Variants in HGSNAT observed in about 807,000 individuals in gnomAD.
HGSNAT encodes transmembrane protein 76.
A neutral mutation model predicts 85.2 loss-of-function variants in HGSNAT; 59 were observed. The observed-to-expected ratio is 0.69, with a 90% CI of 0.56 to 0.86. The LOEUF (loss-of-function observed/expected upper bound fraction) is 0.86, where lower values mean the gene tolerates loss of function less well. Ranked by LOEUF, HGSNAT falls within the 40% of genes least tolerant of loss-of-function variation. The probability of loss-of-function intolerance (pLI) is 0.00; values close to 1 mark genes in which losing one functional copy is unlikely to be tolerated. For missense variants in HGSNAT, 756 were observed against 777.1 expected, an observed-to-expected ratio of 0.97 and a Z score of 0.32; for synonymous variants, 321 against 304.5, an observed-to-expected ratio of 1.05 and a Z score of -0.56.
At chr8:43,186,587 C>A (rs963626866) in intron 11 of HGSNAT, among the ~76,000 whole-genome samples, 2 of 152,040 alleles carry the variant, frequency 1.3e-5, no homozygotes, top group African/African-American at 2.4e-5. Flanking sequence ...TTTAAAAAAA[C>A]CAGCTCCTGG....
Position 43,150,478 on chromosome 8 carries a change from A to G in HGSNAT, c.234+3415A>G, listed in dbSNP as rs529392259. The stretch of plus-strand genomic sequence containing the variant: ...CATCTCTTTCAAAACAAAACAAAAC[A>G]AAAACAAGACTATACAATGTGGAAA... On this transcript the variant is annotated intron_variant, in intron 2 of 17. Transcript: ENST00000379644. 1.5e-4 allele frequency among the ~76,000 whole-genome samples: 23 copies of G among 152,170 alleles called. 1 individual carries two copies. In the East Asian group the frequency reaches 4.3e-3, roughly 28 times the overall value.
intron 2 of HGSNAT, among the ~76,000 whole-genome samples, chr8:43,147,389 A>G (rs1029848763): frequency 6.6e-6 from 1 of 152,164 alleles, no homozygotes; most frequent in African/African-American, 2.4e-5. Flanking sequence ...ACACCAGGGT[A>G]TTCTCCAGGG....
intron 2 of HGSNAT, among the ~76,000 whole-genome samples, chr8:43,154,089 T>C (rs912059055): frequency 1.3e-5 from 2 of 152,228 alleles, no homozygotes; most frequent in African/African-American, 2.4e-5. Context: ...GATTGATCTT[T>C]ATTGTAGAAT....
intron 10 of HGSNAT, among the ~76,000 whole-genome samples, chr8:43,179,436 G>A (rs1193586497): frequency 1.8e-5 from 2 of 110,274 alleles, no homozygotes; most frequent in Non-Finnish European, 3.9e-5. Context: ...CCCAGTAGGG[G>A]CGGCCGGGCA....
At chr8:43,185,763 T>G (rs968783158) in intron 11 of HGSNAT, among the ~76,000 whole-genome samples, 1 of 152,212 alleles carries the variant, frequency 6.6e-6, no homozygotes, top group African/African-American at 2.4e-5. Flanking sequence ...AGTATGATAT[T>G]GGCTGTGGGT....
intron 12 of HGSNAT, among the ~76,000 whole-genome samples, chr8:43,191,843 C>T (rs983309137): frequency 2.6e-5 from 4 of 152,012 alleles, no homozygotes; most frequent in Non-Finnish European, 2.9e-5. Flanking sequence ...TGTCAGTGAG[C>T]GTGCATGAGC....
At position 43,196,811 on chromosome 8, in the gene HGSNAT, G is replaced by A. The variant is rs1417490260; in HGVS notation, c.1465-137G>A. ...GTCAAAGGCAGAGGTGATGTTTCCC[G>A]CCTCCCTGTAATCCCAGCACCTAGT... On this transcript the variant is annotated intron_variant, in intron 14 of 17. Transcript: ENST00000379644. 7.0e-5 allele frequency: 45 copies of A among 647,010 alleles called. No homozygotes were observed. The Middle Eastern group carries it at 7.4e-4, about 11-fold the overall frequency. The allele number at this position is 647,010 out of a possible 1,614,324, so 40.1% of individuals were successfully genotyped here. A position where few individuals can be genotyped will look rare whatever the true frequency, so the allele number is the denominator to read the frequency against.
rs982822731 is a variant in HGSNAT at position 43,200,001 on chromosome 8, G to A, written c.*432G>A. 16 of 153,868 alleles carry A rather than the reference G, an allele frequency of 1.0e-4. No homozygotes were observed. Among genetic ancestry groups the A allele is most frequent in the South Asian group, 1.0e-3 (5 of 4,832 alleles). The allele number at this position is 153,868 out of a possible 1,614,324, so 9.5% of individuals were successfully genotyped here. A position where few individuals can be genotyped will look rare whatever the true frequency, so the allele number is the denominator to read the frequency against. ...CACGAAATGCCATCACTCCTACTGC[G>A]GCTGCTATGAAGCTTACTGGTTGTG... On this transcript the variant is annotated 3_prime_UTR_variant, in exon 18 of 18. Coordinates refer to ENST00000379644, the MANE Select transcript of HGSNAT (RefSeq NM_152419.3).
chr8:43,157,744 C>A (rs964391070), intron 2 of HGSNAT, among the ~76,000 whole-genome samples: 4 of 152,070 alleles, frequency 2.6e-5, no homozygotes, highest in Non-Finnish European at 5.9e-5. Context: ...TGCCACTGCA[C>A]TCCAACCTGG....
intron 1 of HGSNAT, among the ~76,000 whole-genome samples, chr8:43,145,827 G>A (rs1045910444): frequency 6.6e-6 from 1 of 152,068 alleles, no homozygotes; most frequent in Non-Finnish European, 1.5e-5. Flanking sequence ...GAGTGACTAG[G>A]GAGCCCAGAG....
intron 5 of HGSNAT, among the ~76,000 whole-genome samples, chr8:43,167,487 A>G (rs1586721826): frequency 1.3e-5 from 2 of 152,368 alleles, no homozygotes; most frequent in East Asian, 3.9e-4. Context: ...AATAATCATT[A>G]ACTTTTTATT....
intron 8 of HGSNAT, 99 bp from the exon 9 acceptor site, chr8:43,173,614 G>A: frequency 7.5e-7 from 1 of 1,337,420 alleles, no homozygotes; most frequent in Non-Finnish European, 1.1e-6. Context: ...CCTCCCCTGG[G>A]TTTACTTTCT....
Position 43,151,551 on chromosome 8 carries a change from A to G in HGSNAT, c.234+4488A>G, listed in dbSNP as rs1371769005. 2.6e-5 allele frequency among the ~76,000 whole-genome samples: 4 copies of G among 152,250 alleles called. No individual in the cohort carries two copies. The East Asian group carries it at 7.7e-4, about 29-fold the overall frequency. ...CCTGTATATATTCGTTTCACAAAAC[A>G]CTCATCATATGTTAAGTCAAAAGAG... On this transcript the variant is annotated intron_variant, in intron 2 of 17. Transcript: ENST00000379644.
rs1804555809 is a variant in HGSNAT at position 43,192,172 on chromosome 8, C to T, written c.1251-132C>T. 11 of 959,456 alleles carry T rather than the reference C, an allele frequency of 1.1e-5. No homozygotes were observed. In the East Asian group the frequency reaches 3.1e-4, roughly 27 times the overall value. 59.4% of individuals were successfully genotyped at this position (959,456 alleles called of 1,614,324 possible). A position where few individuals can be genotyped will look rare whatever the true frequency, so the allele number is the denominator to read the frequency against. Reference sequence around the variant, plus strand: ...CAAATTCCTGACCTCAGGTGATCTGCCCGCCTTGGCCTCCCAAAGTGTTGG... The same window carrying T: ...CAAATTCCTGACCTCAGGTGATCTGTCCGCCTTGGCCTCCCAAAGTGTTGG... On this transcript the variant is annotated intron_variant, in intron 12 of 17. Coordinates refer to ENST00000379644, the MANE Select transcript of HGSNAT (RefSeq NM_152419.3).
intron 4 of HGSNAT, 51 bp downstream of exon 4, chr8:43,159,095 A>G: frequency 1.3e-6 from 2 of 1,581,654 alleles, no homozygotes; most frequent in Non-Finnish European, 1.7e-6. Flanking sequence ...CAGAGGTTTC[A>G]GTTTTTGAGT....
chr8:43,159,036 G>A lies in HGSNAT; in HGVS notation c.485G>A (p.Ser162Asn). The A allele has an allele frequency of 6.2e-7, 1 of 1,613,648 alleles. No individual in the cohort carries two copies. The highest frequency in any genetic ancestry group is 8.5e-7 in the Non-Finnish European group (1 of 1,179,766). Residue 162 changes from serine to asparagine, a missense_variant, in exon 4 of 18, where the codon AGT becomes AAT. Ser to Asn is a conservative substitution (Grantham distance 46). Transcript: ENST00000379644. The stretch of plus-strand genomic sequence containing the variant: ...GCTGTGAACGAGGATCCAGTTGATA[G>A]TAACCTTCGTACGTATATGTTCTCT... Reference protein sequence around the residue: ...DLAVNEDPVDSNLPVSIAFLI... With the variant: ...DLAVNEDPVDNNLPVSIAFLI...
At chr8:43,188,588 C>T (rs1410551313) in intron 11 of HGSNAT, among the ~76,000 whole-genome samples, 2 of 152,178 alleles carry the variant, frequency 1.3e-5, no homozygotes, top group African/African-American at 4.8e-5. Context: ...TGGGTTCAAA[C>T]ATCCTCCTTT....
chr8:43,159,615 A>G (rs1019920039), intron 4 of HGSNAT, among the ~76,000 whole-genome samples: 2 of 152,226 alleles, frequency 1.3e-5, no homozygotes, highest in African/African-American at 2.4e-5. Context: ...ATATCAATAC[A>G]TTCTCATAGT....
In HGSNAT at chr8:43,199,949, TC is replaced by T. The variant is rs1804864622; in HGVS notation, c.*382del. 1 of 161,036 alleles carries T rather than the reference TC, an allele frequency of 6.2e-6. No individual in the cohort carries two copies. The highest frequency in any genetic ancestry group is 2.4e-5 in the African/African-American group (1 of 41,794). The allele number at this position is 161,036 out of a possible 1,614,324, so 10.0% of individuals were successfully genotyped here. A position where few individuals can be genotyped will look rare whatever the true frequency, so the allele number is the denominator to read the frequency against. The stretch of plus-strand genomic sequence containing the variant: ...TGCTGACCTTGTTGCCCTGCAAACT[TC>T]CTTTCCACGTGTACGCGCACACCAA... On this transcript the variant is annotated 3_prime_UTR_variant, in exon 18 of 18. Transcript: ENST00000379644.
Sources: gnomAD v4.1 joint callset for allele counts (sites outside exome capture counted in the v4.1 genomes callset) on GRCh38, gnomAD v4.1.1 for gene constraint, MANE v1.5 for transcripts, NCBI Gene and HGNC (gene_info 2026-07-23, HGNC 2026-07-21) for gene names.